TPTE2: variants seen among roughly 807,000 people sequenced by gnomAD.
The protein encoded by TPTE2 is transmembrane phosphoinositide 3-phosphatase and tensin homolog 2.
TPTE2 carries 53 observed loss-of-function variants against 78.6 expected under a neutral mutation model. The ratio of observed to expected loss-of-function variants is 0.67; its 90% CI spans 0.54 to 0.85. The LOEUF (loss-of-function observed/expected upper bound fraction) is 0.85. Among genes scored for constraint, TPTE2 ranks in the 40% least tolerant of loss-of-function variants. TPTE2 has a pLI of 0.00. For missense variants in TPTE2, 461 were observed against 623.0 expected (o/e 0.74, Z 2.77); for synonymous variants, 175 against 206.2 (o/e 0.85, Z 1.30).
upstream of TPTE2, among the ~76,000 whole-genome samples, chr13:19,539,793 C>G (rs919093483): frequency 4.6e-5 from 7 of 152,144 alleles, no homozygotes; most frequent in Admixed American, 2.6e-4. Context: ...TTTGGCTCTT[C>G]TTGGTTCTTT....
chr13:19,454,969 AT>A (rs1593366031), intron 10 of TPTE2, among the ~76,000 whole-genome samples: 1 of 152,204 alleles, frequency 6.6e-6, no homozygotes, highest in East Asian at 1.9e-4. Flanking sequence ...GAATTTGGAA[AT>A]TTTTGGATGG....
chr13:19,425,483 G>A (rs1364536479), intron 18 of TPTE2, among the ~76,000 whole-genome samples: 3 of 152,050 alleles, frequency 2.0e-5, no homozygotes, highest in African/African-American at 7.2e-5. Flanking sequence ...GTTTCTCCAT[G>A]TGACTGATCC....
At chr13:19,554,770 A>G in the TPTE2 span, among the ~76,000 whole-genome samples, 4 of 152,106 alleles carry the variant, frequency 2.6e-5, no homozygotes, top group Non-Finnish European at 5.9e-5. Context: ...TATTTTATCT[A>G]TTTTGCTTTT....
intron 1 of TPTE2, among the ~76,000 whole-genome samples, chr13:19,494,409 C>CA (rs1881189062): frequency 6.6e-6 from 1 of 151,776 alleles, no homozygotes; most frequent in Non-Finnish European, 1.5e-5. Context: ...TTTGTTTTTT[C>CA]TTTTTTTTCT....
At chr13:19,537,730 G>A (rs1242028484), upstream of TPTE2, among the ~76,000 whole-genome samples, 6 of 151,686 alleles carry the variant, frequency 4.0e-5, no homozygotes, top group African/African-American at 1.5e-4. Context: ...AGCCTCCTGA[G>A]TAGCTGGGAT....
chr13:19,496,929 T>A (rs1264216923), intron 1 of TPTE2, among the ~76,000 whole-genome samples: 1 of 152,092 alleles, frequency 6.6e-6, no homozygotes. Flanking sequence ...TGGGCGCAGG[T>A]CAGTGGGTGC....
intron 6 of TPTE2, among the ~76,000 whole-genome samples, chr13:19,471,782 G>A (rs1461635068): frequency 6.6e-6 from 1 of 152,102 alleles, no homozygotes; most frequent in Non-Finnish European, 1.5e-5. Context: ...TATACCTTCA[G>A]GTTGTTACTT....
At position 19,450,176 on chromosome 13, in the gene TPTE2, T is replaced by G; in HGVS notation, c.885-12A>C. 1 of 1,610,846 alleles carries G rather than the reference T, an allele frequency of 6.2e-7. No homozygotes were observed. The highest frequency in any genetic ancestry group is 8.5e-7 in the Non-Finnish European group (1 of 1,179,314). On this transcript the variant is annotated splice_polypyrimidine_tract_variant and intron_variant, in intron 12 of 19. Coordinates refer to ENST00000400230, the Ensembl canonical transcript of TPTE2. ...AAACCACCATCTCACTGATTTCAAGTTTAAGATTTTTAGTTAAAATATTTT... is the reference window on the plus strand; with the variant it reads ...AAACCACCATCTCACTGATTTCAAGGTTAAGATTTTTAGTTAAAATATTTT...
intron 1 of TPTE2, among the ~76,000 whole-genome samples, chr13:19,514,898 C>T (rs966947314): frequency 2.0e-5 from 3 of 151,984 alleles, no homozygotes; most frequent in South Asian, 2.1e-4. Context: ...TTCCTAGCAC[C>T]GAAACCCCTG....
chr13:19,452,991 T>A (rs12861072), intron 10 of TPTE2, among the ~76,000 whole-genome samples: 19 of 10,702 alleles, frequency 1.8e-3, no homozygotes, highest in Admixed American at 6.4e-3. Context: ...ATTTTATTTA[T>A]TTTATTTTAT....
At chr13:19,447,446 T>G (rs756265242) in intron 13 of TPTE2, among the ~76,000 whole-genome samples, 6 of 152,158 alleles carry the variant, frequency 3.9e-5, no homozygotes, top group Non-Finnish European at 7.4e-5. Flanking sequence ...ACTGGCAATT[T>G]CAAATGATTC....
upstream of TPTE2, among the ~76,000 whole-genome samples, chr13:19,541,293 T>C (rs1871430372): frequency 6.6e-6 from 1 of 152,212 alleles, no homozygotes; most frequent in Non-Finnish European, 1.5e-5. Flanking sequence ...ACTTTTGCCA[T>C]ATAACATGAA....
chr13:19,469,200 T>C (rs549072015), intron 6 of TPTE2, among the ~76,000 whole-genome samples: 1 of 152,344 alleles, frequency 6.6e-6, no homozygotes, highest in Admixed American at 6.5e-5. Context: ...GATTTTTGTA[T>C]ACGGTGAGAG....
the TPTE2 span, among the ~76,000 whole-genome samples, chr13:19,547,303 A>G: frequency 2.6e-4 from 39 of 152,218 alleles, no homozygotes; most frequent in Non-Finnish European, 4.4e-4. Context: ...ATAAAAATGT[A>G]AAAACTTAGC....
At chr13:19,520,720 G>A (rs539502377) in intron 1 of TPTE2, among the ~76,000 whole-genome samples, 2 of 152,016 alleles carry the variant, frequency 1.3e-5, no homozygotes, top group South Asian at 4.1e-4. Flanking sequence ...CCATCCTAAT[G>A]TAAGAATTTA....
intron 13 of TPTE2, among the ~76,000 whole-genome samples, chr13:19,443,397 CT>C (rs71092357): frequency 3.4e-4 from 44 of 129,882 alleles, no homozygotes; most frequent in Admixed American, 6.5e-4. Flanking sequence ...TTCTTTCTTT[CT>C]TTTTTTTTTT....
chr13:19,464,449 C>A lies in TPTE2; in HGVS notation c.741+7G>T. ...GAAATGAGTATTTGTCAGATAAAGACCCTTACCTCAATTGGATTTCTATAG... is the reference window on the plus strand; with the variant it reads ...GAAATGAGTATTTGTCAGATAAAGAACCTTACCTCAATTGGATTTCTATAG... On this transcript the variant is annotated splice_region_variant and intron_variant, in intron 10 of 19. Transcript: ENST00000400230. 1 of 1,610,022 alleles carries A rather than the reference C, an allele frequency of 6.2e-7. No individual in the cohort carries two copies.
At chr13:19,511,125 C>A (rs1313276228) in intron 1 of TPTE2, among the ~76,000 whole-genome samples, 2 of 152,172 alleles carry the variant, frequency 1.3e-5, no homozygotes, top group African/African-American at 4.8e-5. Flanking sequence ...TCCTACAGAA[C>A]TACTCAAACA....
intron 1 of TPTE2, among the ~76,000 whole-genome samples, chr13:19,497,196 A>C (rs1313016752): frequency 6.6e-6 from 1 of 150,976 alleles, no homozygotes. Context: ...CTGAGATCAA[A>C]CTGCAAGGCG....
Sources: gnomAD v4.1 joint callset for allele counts (sites outside exome capture counted in the v4.1 genomes callset) on GRCh38, gnomAD v4.1.1 for gene constraint, MANE v1.5 for transcripts, NCBI Gene and HGNC (gene_info 2026-07-23, HGNC 2026-07-21) for gene names.